The following TMEM131L variants were observed in gnomAD, a reference collection of about 807,000 sequenced individuals.
The protein encoded by TMEM131L is transmembrane 131 like.
Under a neutral mutation model 192.2 loss-of-function variants are expected in TMEM131L, and 54 were observed. That is an observed-to-expected ratio of 0.28 (90% CI 0.23 to 0.35). The LOEUF (loss-of-function observed/expected upper bound fraction) is 0.35, where lower values mean the gene tolerates loss of function less well. Among genes scored for constraint, TMEM131L ranks in the 10% least tolerant of loss-of-function variants. The pLI is 1.00. For synonymous variants in TMEM131L, 701 were observed against 704.9 expected (o/e 0.99, Z 0.09); for missense variants, 1,888 against 1,972.9 (o/e 0.96, Z 0.82).
intron 7 of TMEM131L, among the ~76,000 whole-genome samples, chr4:153,578,497 A>T (rs1477041247): frequency 6.7e-6 from 1 of 148,586 alleles, no homozygotes; most frequent in African/African-American, 2.5e-5. Context: ...CTGGGACTAC[A>T]GGTGTGCGCC....
intron 3 of TMEM131L, among the ~76,000 whole-genome samples, chr4:153,532,032 T>C (rs1431561495): frequency 6.6e-6 from 1 of 152,222 alleles, no homozygotes; most frequent in East Asian, 1.9e-4. Flanking sequence ...TTGATTGAAA[T>C]TGATTAGCTC....
intron 3 of TMEM131L, among the ~76,000 whole-genome samples, chr4:153,549,428 A>T (rs1191313596): frequency 6.6e-6 from 1 of 152,108 alleles, no homozygotes; most frequent in East Asian, 1.9e-4. Context: ...TTTGTATTTT[A>T]TGTTTTTAAG....
At chr4:153,523,019 T>C (rs1185736108) in intron 3 of TMEM131L, among the ~76,000 whole-genome samples, 1 of 152,234 alleles carries the variant, frequency 6.6e-6, no homozygotes, top group Non-Finnish European at 1.5e-5. Context: ...TTAGACTTTA[T>C]AGGACTTAAG....
chr4:153,620,966 C>T lies in TMEM131L; in HGVS notation c.3692+86C>T, dbSNP rs550648227. On this transcript the variant is annotated intron_variant, in intron 27 of 34. Coordinates refer to ENST00000409959, the MANE Select transcript of TMEM131L (RefSeq NM_001131007.2). ...TGGCTATTCACTTTTAAACTTATTTCGGTGATATTAGATACCGATAATATG... is the reference window on the plus strand; with the variant it reads ...TGGCTATTCACTTTTAAACTTATTTTGGTGATATTAGATACCGATAATATG... 6.6e-5 allele frequency: 64 copies of T among 974,028 alleles called. No homozygotes were observed. In the African/African-American group the frequency reaches 7.0e-4, roughly 11 times the overall value. The allele number at this position is 974,028 out of a possible 1,614,324, so 60.3% of individuals were successfully genotyped here.
chr4:153,583,225 G>T lies in TMEM131L; in HGVS notation c.928G>T (p.Gly310Ter). The part of the protein sequence containing the change: ...SAVNMYILHS[G>*]NSLIWIQDIR... ...AGTAAATATGTATATATTACATTCA[G>T]GAAACAGCCTTATATGGATACAGGT... Residue 310 changes from glycine (G) to a stop codon, truncating the protein, a stop_gained, in exon 10 of 35, where the codon GGA becomes TGA. Transcript: ENST00000409959. LOFTEE classifies it high-confidence loss of function. 6.8e-7 allele frequency: 1 copy of T among 1,466,552 alleles called. No homozygotes were observed. Among genetic ancestry groups the T allele is most frequent in the Non-Finnish European group, 9.6e-7 (1 of 1,045,874 alleles). 90.8% of individuals were successfully genotyped at this position (1,466,552 alleles called of 1,614,324 possible).
chr4:153,583,511 A>G (rs1194298352), intron 10 of TMEM131L, 53 bp from the exon 11 acceptor site: 4 of 1,209,074 alleles, frequency 3.3e-6, no homozygotes, highest in African/African-American at 1.5e-5. Context: ...TTCAAACTGG[A>G]TAAATACTCT....
rs574854623 is a variant in TMEM131L at position 153,621,920 on chromosome 4, A to G, written c.3859+71A>G. ...TTGTTTCCTCAATGAAGTATCTAAT[A>G]AGAGAAATGACACCTCAGTGATTTT... On this transcript the variant is annotated intron_variant, in intron 28 of 34. Coordinates refer to ENST00000409959, the MANE Select transcript of TMEM131L (RefSeq NM_001131007.2). 1.3e-4 allele frequency: 183 copies of G among 1,418,206 alleles called. 2 individuals carry two copies. The Middle Eastern group carries it at 4.4e-3, about 34-fold the overall frequency. 87.9% of individuals were successfully genotyped at this position (1,418,206 alleles called of 1,614,324 possible). A position where few individuals can be genotyped will look rare whatever the true frequency, so the allele number is the denominator to read the frequency against.
chr4:153,578,329 T>C (rs1388613978), intron 7 of TMEM131L, among the ~76,000 whole-genome samples: 1 of 152,028 alleles, frequency 6.6e-6, no homozygotes, highest in Non-Finnish European at 1.5e-5. Flanking sequence ...GAATTGCCAC[T>C]GTGCTTCAGC....
chr4:153,529,363 A>T (rs1259022582), intron 3 of TMEM131L, among the ~76,000 whole-genome samples: 1 of 152,208 alleles, frequency 6.6e-6, no homozygotes, highest in Non-Finnish European at 1.5e-5. Context: ...AAAATTGGCA[A>T]GCTTTTGTGG....
intron 7 of TMEM131L, among the ~76,000 whole-genome samples, chr4:153,573,802 A>G (rs1729752875): frequency 6.6e-6 from 1 of 152,236 alleles, no homozygotes; most frequent in Non-Finnish European, 1.5e-5. Context: ...AAAATCTCTT[A>G]GAAACCAAAG....
At chr4:153,528,085 C>A (rs1484699926) in intron 3 of TMEM131L, among the ~76,000 whole-genome samples, 1 of 152,176 alleles carries the variant, frequency 6.6e-6, no homozygotes, top group Non-Finnish European at 1.5e-5. Flanking sequence ...TTGTTGAGTT[C>A]TCTCATCTCT....
intron 7 of TMEM131L, among the ~76,000 whole-genome samples, chr4:153,579,989 T>C (rs1054338634): frequency 1.3e-5 from 2 of 152,210 alleles, no homozygotes; most frequent in African/African-American, 4.8e-5. Flanking sequence ...TGCCAAGATT[T>C]GATGTTAGGA....
intron 19 of TMEM131L, 88 bp downstream of exon 19, chr4:153,593,959 C>A: frequency 1.2e-6 from 1 of 841,602 alleles, no homozygotes; most frequent in South Asian, 1.4e-5. Context: ...TTTAAAATGT[C>A]TTTTATTTAC....
intron 3 of TMEM131L, among the ~76,000 whole-genome samples, chr4:153,495,408 G>C (rs886173509): frequency 2.0e-5 from 3 of 152,130 alleles, no homozygotes; most frequent in Admixed American, 6.5e-5. Flanking sequence ...TGCCCAGGGT[G>C]GTCGGGATAC....
intron 3 of TMEM131L, among the ~76,000 whole-genome samples, chr4:153,527,636 C>A (rs114320036): frequency 6.6e-6 from 1 of 152,144 alleles, no homozygotes; most frequent in Non-Finnish European, 1.5e-5. Flanking sequence ...GTGTATGTGA[C>A]CCCACCCCTG....
chr4:153,484,886 G>A (rs1385324594), intron 3 of TMEM131L, among the ~76,000 whole-genome samples: 5 of 147,070 alleles, frequency 3.4e-5, no homozygotes, highest in Admixed American at 6.7e-5. Context: ...TTGGGAGGCC[G>A]AGGCGGGCGG....
Position 153,623,147 on chromosome 4 carries a change from A to G in TMEM131L, c.4045+64A>G. On this transcript the variant is annotated intron_variant, in intron 29 of 34. Transcript: ENST00000409959. Reference sequence around the variant, plus strand: ...CTTCCCTCTGCCCTCCCACGTACCCAGTCCACACAGTCTCGATCTGCCTTC... The same window carrying G: ...CTTCCCTCTGCCCTCCCACGTACCCGGTCCACACAGTCTCGATCTGCCTTC... 5 of 1,403,166 alleles carry G rather than the reference A, an allele frequency of 3.6e-6. No homozygotes were observed. The South Asian group carries it at 5.7e-5, about 16-fold the overall frequency. 86.9% of individuals were successfully genotyped at this position (1,403,166 alleles called of 1,614,324 possible). A position where few individuals can be genotyped will look rare whatever the true frequency, so the allele number is the denominator to read the frequency against.
intron 3 of TMEM131L, among the ~76,000 whole-genome samples, chr4:153,544,136 G>A (rs1736998253): frequency 6.6e-6 from 1 of 151,980 alleles, no homozygotes; most frequent in Admixed American, 6.5e-5. Context: ...TGTTGGAAGA[G>A]TTTGCATCTC....
intron 3 of TMEM131L, among the ~76,000 whole-genome samples, chr4:153,514,413 A>C (rs1436245284): frequency 6.6e-6 from 1 of 152,238 alleles, no homozygotes; most frequent in East Asian, 1.9e-4. Flanking sequence ...GAAATGAGTC[A>C]ACAATGCATG....
Sources: gnomAD v4.1 joint callset for allele counts (sites outside exome capture counted in the v4.1 genomes callset) on GRCh38, gnomAD v4.1.1 for gene constraint, MANE v1.5 for transcripts, NCBI Gene and HGNC (gene_info 2026-07-23, HGNC 2026-07-21) for gene names.